The following SPECC1 variants were observed in gnomAD, a reference collection of about 807,000 sequenced individuals.
The protein encoded by SPECC1 is cytospin-B.
Under a neutral mutation model 104.1 loss-of-function variants are expected in SPECC1, and 62 were observed. The ratio of observed to expected loss-of-function variants is 0.60; its 90% CI spans 0.49 to 0.74. The LOEUF is 0.74. Among genes scored for constraint, SPECC1 ranks in the 30% least tolerant of loss-of-function variants. The probability of loss-of-function intolerance (pLI) is 0.00; values close to 1 mark genes in which losing one functional copy is unlikely to be tolerated. For synonymous variants in SPECC1, 513 were observed against 501.6 expected, an observed-to-expected ratio of 1.02 and a Z score of -0.30; for missense variants, 1,306 against 1,310.5, an observed-to-expected ratio of 1.00 and a Z score of 0.05.
At chr17:20,037,334 A>G (rs771764735) in intron 1 of SPECC1, among the ~76,000 whole-genome samples, 2 of 151,760 alleles carry the variant, frequency 1.3e-5, no homozygotes, top group African/African-American at 4.8e-5. Flanking sequence ...GTATTTTAGT[A>G]GAGACAGGGT....
intron 13 of SPECC1, among the ~76,000 whole-genome samples, chr17:20,298,982 GAGA>G (rs2041467674): frequency 3.1e-5 from 1 of 31,970 alleles, no homozygotes; most frequent in African/African-American, 1.4e-4. Flanking sequence ...TATGTAGAGA[GAGA>G]GAGAGAGAGA....
At chr17:20,101,190 A>T (rs893756839) in intron 2 of SPECC1, among the ~76,000 whole-genome samples, 1 of 152,096 alleles carries the variant, frequency 6.6e-6, no homozygotes, top group Non-Finnish European at 1.5e-5. Context: ...CAATAATGAG[A>T]TTGCTGGGTC....
Position 20,314,120 on chromosome 17 carries a change from G to A in SPECC1, c.*55G>A. The A allele has an allele frequency of 6.7e-7, 1 of 1,489,556 alleles. No homozygotes were observed. The highest frequency in any genetic ancestry group is 9.3e-7 in the Non-Finnish European group (1 of 1,077,382). 92.3% of individuals were successfully genotyped at this position (1,489,556 alleles called of 1,614,324 possible). On this transcript the variant is annotated 3_prime_UTR_variant, in exon 15 of 15. Coordinates refer to ENST00000395527, the MANE Select transcript of SPECC1 (RefSeq NM_001243439.2). ...CCACCTACTGCAGCTTTTCCTGGAA[G>A]CGCCTGATTACTGTCCACTGACCCT...
intron 1 of SPECC1, among the ~76,000 whole-genome samples, chr17:20,018,496 T>C (rs1597569505): frequency 6.6e-6 from 1 of 152,338 alleles, no homozygotes; most frequent in East Asian, 1.9e-4. Context: ...GCTTAACTGG[T>C]CCTCCTGCCT....
chr17:20,308,831 C>T (rs2041849641), intron 14 of SPECC1, among the ~76,000 whole-genome samples: 1 of 152,084 alleles, frequency 6.6e-6, no homozygotes, highest in Admixed American at 6.5e-5. Flanking sequence ...CTAAGGAGTA[C>T]CAACAGAGAG....
chr17:20,090,938 T>G (rs912634237), intron 1 of SPECC1, among the ~76,000 whole-genome samples: 3 of 152,336 alleles, frequency 2.0e-5, no homozygotes, highest in Non-Finnish European at 4.4e-5. Flanking sequence ...CTTATGGGTC[T>G]CCAGATTACA....
rs1567617368 is a variant in SPECC1 at position 20,298,980 on chromosome 17, G to GTGTGTGTGTGTGTGTGT, written c.3057+1903_3057+1904insTGTGTGTGTGTGTGTGT. Among the ~76,000 whole-genome samples the GTGTGTGTGTGTGTGTGT allele has an allele frequency of 6.0e-4, 17 of 28,298 alleles. 1 individual carries two copies. Among genetic ancestry groups the GTGTGTGTGTGTGTGTGT allele is most frequent in the African/African-American group, 2.7e-3 (14 of 5,120 alleles). 18.6% of individuals were successfully genotyped at this position (28,298 alleles called of 152,430 possible). On this transcript the variant is annotated intron_variant, in intron 13 of 14. Transcript: ENST00000395527. ...GTGTGTGTGTGTGTGTGTATGTAGA[G>GTGTGTGTGTGTGTGTGT]AGAGAGAGAGAGAGAGGTGGGGGCT...
At chr17:20,099,235 A>G (rs926034743) in intron 2 of SPECC1, among the ~76,000 whole-genome samples, 1 of 152,180 alleles carries the variant, frequency 6.6e-6, no homozygotes, top group African/African-American at 2.4e-5. Flanking sequence ...TCAACCCAAC[A>G]GCACACTTTA....
intron 12 of SPECC1, among the ~76,000 whole-genome samples, chr17:20,294,234 G>A (rs1396932199): frequency 2.0e-5 from 3 of 152,134 alleles, no homozygotes. Context: ...CACTTGCCTC[G>A]GCCTTCCAAA....
chr17:20,121,880 T>C (rs2152537275), intron 3 of SPECC1, among the ~76,000 whole-genome samples: 1 of 152,300 alleles, frequency 6.6e-6, no homozygotes, highest in South Asian at 2.1e-4. Context: ...CAAATGTTTC[T>C]GACTTTAGAA....
In SPECC1 at chr17:20,315,144, G is replaced by A; in HGVS notation, c.*1079G>A. On this transcript the variant is annotated 3_prime_UTR_variant, in exon 15 of 15. Transcript: ENST00000395527. ...GCTTTACAGGGTTGAGCAGGCTGAG[G>A]GTGTGTGCCTCTGGGGATGCTGGGC... 1 of 233,226 alleles carries A rather than the reference G, an allele frequency of 4.3e-6. No individual in the cohort carries two copies. Among genetic ancestry groups the A allele is most frequent in the Non-Finnish European group, 8.5e-6 (1 of 118,038 alleles). 14.4% of individuals were successfully genotyped at this position (233,226 alleles called of 1,614,324 possible). A position where few individuals can be genotyped will look rare whatever the true frequency, so the allele number is the denominator to read the frequency against.
chr17:20,310,824 G>A (rs988794752), intron 14 of SPECC1, among the ~76,000 whole-genome samples: 2 of 152,206 alleles, frequency 1.3e-5, no homozygotes, highest in Non-Finnish European at 2.9e-5. Flanking sequence ...TGCTTAAATA[G>A]CTAATTTGTG....
chr17:20,249,247 G>A (rs765715162), intron 9 of SPECC1, among the ~76,000 whole-genome samples: 5 of 151,938 alleles, frequency 3.3e-5, no homozygotes, highest in African/African-American at 4.8e-5. Context: ...GTGAAACCCC[G>A]TCTCTACTAA....
chr17:20,256,157 A>G (rs912606526), intron 10 of SPECC1, among the ~76,000 whole-genome samples: 10 of 152,148 alleles, frequency 6.6e-5, no homozygotes, highest in African/African-American at 2.2e-4. Flanking sequence ...GATTACAGGC[A>G]TGAGCCACTG....
intron 1 of SPECC1, among the ~76,000 whole-genome samples, chr17:20,064,328 C>T (rs148696156): frequency 6.8e-4 from 104 of 152,316 alleles, no homozygotes; most frequent in Admixed American, 2.3e-3. Context: ...GGGGGATTGA[C>T]GATGAGTCAT....
intron 1 of SPECC1, among the ~76,000 whole-genome samples, chr17:20,089,467 A>T (rs902780425): frequency 7.8e-4 from 117 of 149,746 alleles, no homozygotes; most frequent in African/African-American, 2.7e-3. Context: ...CCTCTATATA[A>T]AAAAAAAAAA....
At chr17:20,232,811 C>T (rs954122346) in intron 7 of SPECC1, among the ~76,000 whole-genome samples, 1 of 152,176 alleles carries the variant, frequency 6.6e-6, no homozygotes, top group African/African-American at 2.4e-5. Context: ...GGGGAGGAGC[C>T]GCCGGAGAAG....
chr17:20,314,379 G>A lies in SPECC1; in HGVS notation c.*314G>A, dbSNP rs2042006550. 1 of 358,338 alleles carries A rather than the reference G, an allele frequency of 2.8e-6. No individual in the cohort carries two copies. The highest frequency in any genetic ancestry group is 5.3e-6 in the Non-Finnish European group (1 of 190,284). The allele number at this position is 358,338 out of a possible 1,614,324, so 22.2% of individuals were successfully genotyped here. On this transcript the variant is annotated 3_prime_UTR_variant, in exon 15 of 15. Coordinates refer to ENST00000395527, the MANE Select transcript of SPECC1 (RefSeq NM_001243439.2). ...GCTTGTTTTGCTGATTATATTGGGTGGCTGAACGAACACATTATCTGCAGA... is the reference window on the plus strand; with the variant it reads ...GCTTGTTTTGCTGATTATATTGGGTAGCTGAACGAACACATTATCTGCAGA...
intron 3 of SPECC1, among the ~76,000 whole-genome samples, chr17:20,154,520 A>G (rs2032287110): frequency 6.6e-6 from 1 of 152,188 alleles, no homozygotes; most frequent in South Asian, 2.1e-4. Flanking sequence ...AGCAACAGCA[A>G]TGTGAGAAGG....
Sources: gnomAD v4.1 joint callset for allele counts (sites outside exome capture counted in the v4.1 genomes callset) on GRCh38, gnomAD v4.1.1 for gene constraint, MANE v1.5 for transcripts, NCBI Gene and HGNC (gene_info 2026-07-23, HGNC 2026-07-21) for gene names.